Variants in DYDC1 observed in about 807,000 individuals in gnomAD.
The protein encoded by DYDC1 is DPY30 domain-containing protein 1.
DYDC1 carries 21 observed loss-of-function variants against 27.9 expected under a neutral mutation model. That is an observed-to-expected ratio of 0.75 (90% CI 0.53 to 1.08). DYDC1 has a LOEUF of 1.08. Among genes scored for constraint, DYDC1 ranks in the 50% least tolerant of loss-of-function variants. The probability of loss-of-function intolerance (pLI) is 0.00; values close to 1 mark genes in which losing one functional copy is unlikely to be tolerated. For synonymous variants in DYDC1, 67 were observed against 65.8 expected, an observed-to-expected ratio of 1.02 and a Z score of -0.09; for missense variants, 202 against 205.9, an observed-to-expected ratio of 0.98 and a Z score of 0.12.
chr10:80,342,980 CAAA>C (rs55665661), intron 3 of DYDC1, among the ~76,000 whole-genome samples: 1 of 93,900 alleles, frequency 1.1e-5, no homozygotes, highest in African/African-American at 4.0e-5. Context: ...GACTCCCTCT[CAAA>C]AAAAAAAAAA....
At chr10:80,350,191 A>T (rs1368407488) in intron 3 of DYDC1, among the ~76,000 whole-genome samples, 1 of 152,162 alleles carries the variant, frequency 6.6e-6, no homozygotes, top group Non-Finnish European at 1.5e-5. Flanking sequence ...CTACTACAAT[A>T]CTTAGGATTC....
chr10:80,347,532 T>C (rs1054693485), intron 3 of DYDC1, among the ~76,000 whole-genome samples: 24 of 152,180 alleles, frequency 1.6e-4, no homozygotes, highest in African/African-American at 5.8e-4. Context: ...CCAAGACCAA[T>C]GTCAAGGAGC....
intron 1 of DYDC1, among the ~76,000 whole-genome samples, chr10:80,353,184 A>C (rs1843107189): frequency 6.6e-6 from 1 of 152,062 alleles, no homozygotes; most frequent in African/African-American, 2.4e-5. Flanking sequence ...CCAAGGCCAA[A>C]GAATAAAAAC....
At chr10:80,341,588 T>C (rs758247603) in intron 4 of DYDC1, among the ~76,000 whole-genome samples, 1 of 151,930 alleles carries the variant, frequency 6.6e-6, no homozygotes, top group Non-Finnish European at 1.5e-5. Flanking sequence ...GCCTCCGAGA[T>C]TGGAATACCC....
chr10:80,356,391 T>C, intron 1 of DYDC1: 2 of 985,636 alleles, frequency 2.0e-6, no homozygotes, highest in Non-Finnish European at 2.4e-6. Flanking sequence ...GCCAGCCAAC[T>C]GGGCGGGGGC....
At chr10:80,342,668 G>A (rs930188823) in intron 3 of DYDC1, among the ~76,000 whole-genome samples, 1 of 152,140 alleles carries the variant, frequency 6.6e-6, no homozygotes, top group Non-Finnish European at 1.5e-5. Flanking sequence ...CCACACACTG[G>A]TTGTGGAAGA....
intron 2 of DYDC1, 101 bp from the exon 3 acceptor site, chr10:80,352,103 T>C: frequency 1.8e-6 from 2 of 1,081,860 alleles, no homozygotes; most frequent in South Asian, 1.4e-5. Context: ...GGGAAAGTGT[T>C]AAGCAAATTA....
intron 1 of DYDC1, among the ~76,000 whole-genome samples, chr10:80,355,410 A>G (rs781402048): frequency 2.6e-5 from 4 of 152,080 alleles, no homozygotes; most frequent in Non-Finnish European, 5.9e-5. Flanking sequence ...TATAACTCCT[A>G]TGGAGGAGAA....
chr10:80,336,324 G>A lies in DYDC1; in HGVS notation c.505-139C>T, dbSNP rs142655994. The A allele has an allele frequency of 1.6e-4, 221 of 1,365,786 alleles. No homozygotes were observed. In the African/African-American group the frequency reaches 3.2e-3, roughly 19 times the overall value. The allele number at this position is 1,365,786 out of a possible 1,614,324, so 84.6% of individuals were successfully genotyped here. On this transcript the variant is annotated intron_variant, in intron 6 of 6. Transcript: ENST00000372202. The stretch of plus-strand genomic sequence containing the variant: ...TTGGGAGTTTCAGATGATTTCAAAT[G>A]ATACTCAAATTGAATATAACCATAA...
rs894345610 is a variant in DYDC1 at position 80,338,693 on chromosome 10, G to A, written c.400-122C>T. On this transcript the variant is annotated intron_variant, in intron 5 of 6. Transcript: ENST00000372202. Reference sequence around the variant, plus strand: ...TTAAAATTCAACATTATTAATTAGTGGAATTAACCAATTTCTGTTAATGAC... The same window carrying A: ...TTAAAATTCAACATTATTAATTAGTAGAATTAACCAATTTCTGTTAATGAC... 7.0e-6 allele frequency: 7 copies of A among 997,758 alleles called. No individual in the cohort carries two copies. The African/African-American group carries it at 1.0e-4, about 14-fold the overall frequency. 61.8% of individuals were successfully genotyped at this position (997,758 alleles called of 1,614,324 possible).
At chr10:80,341,810 AG>A (rs1842328968) in intron 4 of DYDC1, among the ~76,000 whole-genome samples, 1 of 152,166 alleles carries the variant, frequency 6.6e-6, no homozygotes. Flanking sequence ...GGATCACCTG[AG>A]GTCAGGAGTT....
intron 6 of DYDC1, chr10:80,338,163 G>A (rs1272082678): frequency 4.1e-6 from 4 of 985,198 alleles, no homozygotes; most frequent in South Asian, 9.4e-5. Flanking sequence ...AACAAAAATC[G>A]TGCCCCCCAC....
chr10:80,352,609 T>G lies in DYDC1; in HGVS notation c.-8A>C, dbSNP rs754257507. ...AAGATATATTGACTCCATTTCTAAC[T>G]CCTAAAAAGTAAGTGTTTTTGCATT... On this transcript the variant is annotated splice_region_variant and 5_prime_UTR_variant, in exon 2 of 7. Coordinates refer to ENST00000372202, the MANE Select transcript of DYDC1 (RefSeq NM_001269053.2). The G allele has an allele frequency of 1.9e-6, 3 of 1,594,908 alleles. No individual in the cohort carries two copies. In the South Asian group the frequency reaches 3.5e-5, roughly 18 times the overall value.
At position 80,352,413 on chromosome 10, in the gene DYDC1, GT is replaced by G. The variant is rs768557501; in HGVS notation, c.147+41del. ...TTTTAAAAGCAGACAAGTTGGACCA[GT>G]TTTTTTTCTTCTAATTTCCTAGAAG... On this transcript the variant is annotated intron_variant, in intron 2 of 6. Coordinates refer to ENST00000372202, the MANE Select transcript of DYDC1 (RefSeq NM_001269053.2). 4.3e-5 allele frequency: 65 copies of G among 1,514,768 alleles called. No individual in the cohort carries two copies. In the Middle Eastern group the frequency reaches 1.1e-3, roughly 25 times the overall value. 93.8% of individuals were successfully genotyped at this position (1,514,768 alleles called of 1,614,324 possible). A position where few individuals can be genotyped will look rare whatever the true frequency, so the allele number is the denominator to read the frequency against.
At position 80,336,181 on chromosome 10, in the gene DYDC1, G is replaced by A; in HGVS notation, c.509C>T (p.Ala170Val). The part of the protein sequence containing the change: ...ELDEPMFSDI[A>V]LNIDQDL ...CTACAAATCTTGATCAATGTTTAAT[G>A]CAATCTAAAAGCAAAACAAAAAGTA... is the stretch of plus-strand genomic sequence containing the variant. The change falls in exon 7 of 7, where the codon GCA (alanine) becomes GTA (valine). Residue 170 changes from alanine to valine, a missense_variant. Transcript: ENST00000372202. 6.4e-7 allele frequency: 1 copy of A among 1,565,556 alleles called. No homozygotes were observed. The highest frequency in any genetic ancestry group is 1.2e-5 in the South Asian group (1 of 83,798).
At chr10:80,336,047 G>GA (rs953546673), downstream of DYDC1, 886 of 690,548 alleles carry the variant, frequency 1.3e-3, no homozygotes, top group Admixed American at 1.5e-3. Context: ...GTCCTTAGAG[G>GA]AAAAAAAAAG....
intron 5 of DYDC1, 107 bp from the exon 6 acceptor site, chr10:80,338,678 A>C (rs2132741374): frequency 1.7e-6 from 2 of 1,184,460 alleles, no homozygotes; most frequent in East Asian, 5.9e-5. Context: ...TTAAAATTCA[A>C]CATTATTAAT....
chr10:80,356,266 T>G, intron 1 of DYDC1: 1 of 985,570 alleles, frequency 1.0e-6, no homozygotes, highest in Non-Finnish European at 1.2e-6. Flanking sequence ...ATAGGCATCT[T>G]GGCTCAACAT....
At chr10:80,336,290 T>C (rs1282613690) in intron 6 of DYDC1, 105 bp from the exon 7 acceptor site, 1 of 1,405,044 alleles carries the variant, frequency 7.1e-7, no homozygotes, top group Non-Finnish European at 9.2e-7. Context: ...ACTACATGAA[T>C]GAAACTTTTT....
Sources: allele counts gnomAD v4.1 joint callset (sites outside exome capture counted in the v4.1 genomes callset), GRCh38; gene constraint gnomAD v4.1.1; transcripts MANE v1.5; gene names NCBI Gene and HGNC (gene_info 2026-07-23, HGNC 2026-07-21).